The following AXDND1 variants were observed in gnomAD, a reference collection of about 807,000 sequenced individuals.
AXDND1 encodes the protein axonemal dynein light chain domain-containing protein 1.
Under a neutral mutation model 137.5 loss-of-function variants are expected in AXDND1, and 110 were observed. That is an observed-to-expected ratio of 0.80 (90% confidence interval 0.69 to 0.94). The LOEUF is 0.94. Ranked by LOEUF, AXDND1 falls within the 40% of genes least tolerant of loss-of-function variation. The pLI is 0.00. For missense variants in AXDND1, 1,191 were observed against 1,169.8 expected, an observed-to-expected ratio of 1.02 and a Z score of -0.26; for synonymous variants, 414 against 399.7, an observed-to-expected ratio of 1.04 and a Z score of -0.43.
chr1:179,551,059 G>A, intron 25 of AXDND1: 1 of 1,316,434 alleles, frequency 7.6e-7, no homozygotes, highest in Non-Finnish European at 1.1e-6. Flanking sequence ...GCATTCCATG[G>A]CCATTCCATA....
intron 20 of AXDND1, among the ~76,000 whole-genome samples, chr1:179,503,942 A>G (rs936830265): frequency 6.6e-6 from 1 of 152,194 alleles, no homozygotes; most frequent in Non-Finnish European, 1.5e-5. Context: ...TCACATAGCT[A>G]CTAATGTCCT....
intron 4 of AXDND1, among the ~76,000 whole-genome samples, chr1:179,374,830 T>A (rs1249148917): frequency 2.7e-4 from 3 of 11,232 alleles, no homozygotes; most frequent in Admixed American, 1.1e-3. Flanking sequence ...TGTCGTGGGA[T>A]GGGGGGAGGG....
At chr1:179,492,294 C>T (rs565921988) in intron 19 of AXDND1, among the ~76,000 whole-genome samples, 2 of 152,082 alleles carry the variant, frequency 1.3e-5, no homozygotes, top group South Asian at 2.1e-4. Context: ...AGGCTGGTCT[C>T]GAACTCCTGA....
At chr1:179,367,870 C>T (rs1473936064) in intron 2 of AXDND1, among the ~76,000 whole-genome samples, 3 of 152,138 alleles carry the variant, frequency 2.0e-5, no homozygotes, top group African/African-American at 4.8e-5. Flanking sequence ...CGTTCATATG[C>T]GGATCTGTAC....
At chr1:179,443,242 C>A (rs11582293) in intron 15 of AXDND1, among the ~76,000 whole-genome samples, 2 of 151,916 alleles carry the variant, frequency 1.3e-5, no homozygotes, top group African/African-American at 4.8e-5. Flanking sequence ...TGAGTTGGTC[C>A]CGTCCCACGG....
chr1:179,472,654 G>T (rs1664101682), intron 17 of AXDND1, among the ~76,000 whole-genome samples: 1 of 151,910 alleles, frequency 6.6e-6, no homozygotes, highest in African/African-American at 2.4e-5. Flanking sequence ...CTTGATGTTT[G>T]CTTCATGTAT....
intron 17 of AXDND1, among the ~76,000 whole-genome samples, chr1:179,474,516 G>T (rs2125504903): frequency 6.6e-6 from 1 of 152,316 alleles, no homozygotes; most frequent in Middle Eastern, 3.4e-3. Flanking sequence ...TGATGGAGAT[G>T]AGGAACTTAC....
chr1:179,534,618 T>G (rs1671338160), intron 24 of AXDND1, 112 bp from the exon 25 acceptor site: 2 of 1,359,614 alleles, frequency 1.5e-6, no homozygotes, highest in East Asian at 5.1e-5. Context: ...CCCTTATTTC[T>G]ACCCTTCAGA....
intron 4 of AXDND1, among the ~76,000 whole-genome samples, chr1:179,376,890 A>C (rs1032440309): frequency 3.3e-5 from 5 of 152,134 alleles, no homozygotes; most frequent in African/African-American, 1.2e-4. Flanking sequence ...GGGCACGTTA[A>C]TGTACAATCC....
chr1:179,429,522 T>C lies in AXDND1; in HGVS notation c.1235T>C (p.Ile412Thr). The C allele has an allele frequency of 6.7e-7, 1 of 1,482,772 alleles. No individual in the cohort carries two copies. The highest frequency in any genetic ancestry group is 9.0e-7 in the Non-Finnish European group (1 of 1,106,902). The allele number at this position is 1,482,772 out of a possible 1,614,324, so 91.9% of individuals were successfully genotyped here. Residue 412 changes from isoleucine (I) to threonine (T), a missense_variant, in exon 13 of 26, where the codon ATT becomes ACT. Ile to Thr is a moderately conservative substitution (Grantham distance 89). Coordinates refer to ENST00000367618, the MANE Select transcript of AXDND1 (RefSeq NM_144696.6). Reference protein sequence around the residue: ...SATYELALKVIERNRVILARR... With the variant: ...SATYELALKVTERNRVILARR... Reference sequence around the variant, plus strand: ...TATAGTACATTATTTTTATAGGTGATTGAAAGAAATAGAGTCATATTGGCT... The same window carrying C: ...TATAGTACATTATTTTTATAGGTGACTGAAAGAAATAGAGTCATATTGGCT...
chr1:179,394,457 G>A (rs1436336552), intron 10 of AXDND1, among the ~76,000 whole-genome samples: 2 of 152,208 alleles, frequency 1.3e-5, no homozygotes, highest in African/African-American at 2.4e-5. Flanking sequence ...AGGCGTGGTG[G>A]CACATGCCTA....
intron 15 of AXDND1, among the ~76,000 whole-genome samples, chr1:179,435,722 A>C (rs1434192619): frequency 6.6e-6 from 1 of 152,164 alleles, no homozygotes; most frequent in Admixed American, 6.5e-5. Flanking sequence ...TAAAATCCCA[A>C]ACAATAAAAA....
chr1:179,476,615 G>T (rs930189975), intron 17 of AXDND1, among the ~76,000 whole-genome samples: 2 of 151,898 alleles, frequency 1.3e-5, no homozygotes, highest in Non-Finnish European at 2.9e-5. Context: ...ACACATGTTT[G>T]TTGGATATAG....
intron 20 of AXDND1, among the ~76,000 whole-genome samples, chr1:179,505,393 C>T (rs183996056): frequency 3.3e-5 from 5 of 152,262 alleles, no homozygotes; most frequent in African/African-American, 9.6e-5. Context: ...TGGTTCATGC[C>T]TGTAATCCCA....
At chr1:179,417,985 T>A (rs1402969051) in intron 12 of AXDND1, among the ~76,000 whole-genome samples, 1 of 148,598 alleles carries the variant, frequency 6.7e-6, no homozygotes, top group Non-Finnish European at 1.5e-5. Context: ...TTTATTTTTA[T>A]TTTATTTATT....
chr1:179,429,125 C>T (rs111416356), intron 12 of AXDND1, among the ~76,000 whole-genome samples: 3,029 of 151,564 alleles, frequency 0.02, 109 homozygotes, highest in African/African-American at 0.069. Context: ...TGCAGTGAGC[C>T]GAGATTGCGC....
intron 3 of AXDND1, among the ~76,000 whole-genome samples, chr1:179,369,267 G>A (rs974917841): frequency 2.0e-5 from 3 of 151,286 alleles, no homozygotes; most frequent in South Asian, 2.1e-4. Context: ...TCATAGAGAC[G>A]GAGTTTCGCC....
intron 20 of AXDND1, 139 bp from the exon 21 acceptor site, chr1:179,509,157 C>T (rs1668793382): frequency 1.7e-6 from 1 of 580,806 alleles, no homozygotes; most frequent in East Asian, 3.0e-5. Flanking sequence ...GTCACCACTG[C>T]ACAACTCTTT....
In AXDND1 at chr1:179,427,614, T is replaced by A. The variant is rs183320386; in HGVS notation, c.1231-1904T>A. Among the ~76,000 whole-genome samples, 263 of 152,300 alleles carry A rather than the reference T, an allele frequency of 1.7e-3. 1 individual carries two copies. Among genetic ancestry groups the A allele is most frequent in the Non-Finnish European group, 2.9e-3 (197 of 68,024 alleles). On this transcript the variant is annotated intron_variant, in intron 12 of 25. Transcript: ENST00000367618. Reference sequence around the variant, plus strand: ...AATGTATAGATTAATCTTACTAATATGATTAACATTAATAATTACCATGAT... The same window carrying A: ...AATGTATAGATTAATCTTACTAATAAGATTAACATTAATAATTACCATGAT...
Sources: allele counts gnomAD v4.1 joint callset (sites outside exome capture counted in the v4.1 genomes callset), GRCh38; gene constraint gnomAD v4.1.1; transcripts MANE v1.5; gene names NCBI Gene and HGNC (gene_info 2026-07-23, HGNC 2026-07-21).